Variants in PCDHA1 observed in about 807,000 individuals in gnomAD.
PCDHA1 encodes protocadherin alpha-1.
Under a neutral mutation model 61.3 loss-of-function variants are expected in PCDHA1, and 42 were observed. The observed-to-expected ratio is 0.69, with a 90% confidence interval of 0.54 to 0.89. The LOEUF is 0.89. Among genes scored for constraint, PCDHA1 ranks in the 40% least tolerant of loss-of-function variants. The pLI is 0.00. For synonymous variants in PCDHA1, 610 were observed against 553.8 expected (o/e 1.10, Z -1.43); for missense variants, 1,256 against 1,235.3 (o/e 1.02, Z -0.25).
At chr5:140,830,384 C>A (rs1169733601) in intron 1 of PCDHA1, 1 of 1,614,156 alleles carries the variant, frequency 6.2e-7, no homozygotes, top group Non-Finnish European at 8.5e-7. Context: ...GGAGGGCCCA[C>A]CCAAGATGGA....
chr5:140,874,053 CAATTT>C (rs1290519215), intron 1 of PCDHA1, among the ~76,000 whole-genome samples: 1 of 152,190 alleles, frequency 6.6e-6, no homozygotes, highest in Non-Finnish European at 1.5e-5. Flanking sequence ...TGATATTAGA[CAATTT>C]AAATAATTAG....
At chr5:140,877,198 G>C (rs781787046) in intron 1 of PCDHA1, 26 of 1,613,712 alleles carry the variant, frequency 1.6e-5, no homozygotes, top group Non-Finnish European at 2.2e-5. Flanking sequence ...CGCAGGAGGC[G>C]CAGTTAGCGA....
intron 1 of PCDHA1, chr5:140,797,181 G>A (rs782658810): frequency 1.9e-6 from 3 of 1,614,174 alleles, no homozygotes; most frequent in Middle Eastern, 1.6e-4. Context: ...AGCCCACGCT[G>A]GTGTGCTCCA....
chr5:140,965,316 T>C (rs1411473254), intron 1 of PCDHA1, among the ~76,000 whole-genome samples: 2 of 152,200 alleles, frequency 1.3e-5, no homozygotes, highest in Admixed American at 6.5e-5. Context: ...CCTTCTCTTT[T>C]ACTGAAGTGA....
At chr5:140,873,009 T>C (rs1397141967) in intron 1 of PCDHA1, among the ~76,000 whole-genome samples, 1 of 152,224 alleles carries the variant, frequency 6.6e-6, no homozygotes, top group African/African-American at 2.4e-5. Context: ...TCATTCTTCA[T>C]ATTTAGTTAT....
At chr5:140,810,733 A>T (rs1251780244) in intron 1 of PCDHA1, 5 of 151,620 alleles carry the variant, frequency 3.3e-5, no homozygotes, top group African/African-American at 1.2e-4. Flanking sequence ...TTTTCTTATT[A>T]CTTAAACAAA....
At position 140,850,786 on chromosome 5, in the gene PCDHA1, A is replaced by C. The variant is rs2150498536; in HGVS notation, c.2394+62102A>C. 0.62 allele frequency: 994,890 copies of C among 1,596,700 alleles called. 342,727 individuals are homozygous for C. The highest frequency in any genetic ancestry group is 0.72 in the African/African-American group (53,217 of 73,966). The stretch of plus-strand genomic sequence containing the variant: ...CAGAGGGTGTGCTCTGGCGAGGGTA[A>C]GCAGAAGACCGACCTCATGGCCTTC... On this transcript the variant is annotated intron_variant, in intron 1 of 3. Transcript: ENST00000504120.
intron 1 of PCDHA1, chr5:140,828,223 C>A (rs1417761655): frequency 1.2e-6 from 2 of 1,613,878 alleles, no homozygotes; most frequent in African/African-American, 2.7e-5. Context: ...ACGGCACCTT[C>A]GTGGGCCGGA....
intron 1 of PCDHA1, chr5:140,884,006 C>T (rs369069323): frequency 1.2e-6 from 2 of 1,612,906 alleles, no homozygotes; most frequent in African/African-American, 2.7e-5. Context: ...AGTGAGCGAG[C>T]TGATGCCGCG....
At chr5:140,869,126 G>A in intron 1 of PCDHA1, 4 of 1,611,734 alleles carry the variant, frequency 2.5e-6, no homozygotes, top group Non-Finnish European at 3.4e-6. Context: ...CAGAGAAGGG[G>A]ATTGGGCACC....
chr5:140,855,887 C>A, intron 1 of PCDHA1: 1 of 985,610 alleles, frequency 1.0e-6, no homozygotes, highest in Non-Finnish European at 1.5e-6. Flanking sequence ...CTTTTTAGAA[C>A]AAAGGCATCA....
chr5:140,984,458 C>T (rs1363789281), intron 3 of PCDHA1, among the ~76,000 whole-genome samples: 2 of 152,140 alleles, frequency 1.3e-5, no homozygotes, highest in African/African-American at 4.8e-5. Flanking sequence ...CTTACTGTCC[C>T]AGCCCCTCTT....
chr5:140,880,365 C>A (rs1462418898), intron 1 of PCDHA1, among the ~76,000 whole-genome samples: 1 of 151,976 alleles, frequency 6.6e-6, no homozygotes, highest in Non-Finnish European at 1.5e-5. Flanking sequence ...TAGATGAAAA[C>A]CATGAGAGAA....
chr5:140,967,901 A>T, intron 1 of PCDHA1: 2 of 1,614,142 alleles, frequency 1.2e-6, no homozygotes, highest in African/African-American at 1.3e-5. Context: ...TGAGAATGCT[A>T]CACCCAACAC....
rs1162004111 is a variant in PCDHA1, at chr5:140,853,967, G to A, written c.2394+65283G>A. ...GAGGGTCCCTTCCTTGAGCCCAGCAGTTTGAGACCAATGTAGTGAGACTCA... is the reference window on the plus strand; with the variant it reads ...GAGGGTCCCTTCCTTGAGCCCAGCAATTTGAGACCAATGTAGTGAGACTCA... On this transcript the variant is annotated intron_variant, in intron 1 of 3. Coordinates refer to ENST00000504120, the MANE Select transcript of PCDHA1 (RefSeq NM_018900.4). The A allele has an allele frequency of 7.7e-6, 5 of 646,708 alleles. No homozygotes were observed. The East Asian group carries it at 4.0e-4, about 51-fold the overall frequency. The allele number at this position is 646,708 out of a possible 1,614,324, so 40.1% of individuals were successfully genotyped here.
In PCDHA1 at chr5:140,857,500, G is replaced by A; in HGVS notation, c.2394+68816G>A. On this transcript the variant is annotated intron_variant, in intron 1 of 3. Transcript: ENST00000504120. The stretch of plus-strand genomic sequence containing the variant: ...TGTCTGCGTGGGACGCGGACGCGCA[G>A]GAGAACGCCCTGGTGTCCTACTCTC... 1.3e-6 allele frequency: 2 copies of A among 1,598,362 alleles called. 1 individual carries two copies. Among genetic ancestry groups the A allele is most frequent in the Non-Finnish European group, 1.7e-6 (2 of 1,167,860 alleles).
intron 1 of PCDHA1, among the ~76,000 whole-genome samples, chr5:140,891,998 A>C (rs1336951985): frequency 2.6e-5 from 4 of 152,200 alleles, no homozygotes; most frequent in Non-Finnish European, 5.9e-5. Flanking sequence ...AGTCTGTGGC[A>C]TTCTGTTATA....
In PCDHA1 at chr5:140,847,506, T is replaced by C. The variant is rs1397904253; in HGVS notation, c.2394+58822T>C. ...GATAGTAAAACTCACAACAAAACTT[T>C]GTAGAACTTAGTCAGGAAAAGAATC... On this transcript the variant is annotated intron_variant, in intron 1 of 3. Transcript: ENST00000504120. 2.0e-5 allele frequency: 3 copies of C among 149,790 alleles called. No individual in the cohort carries two copies. The Admixed American group carries it at 2.0e-4, about 10-fold the overall frequency. The allele number at this position is 149,790 out of a possible 1,614,324, so 9.3% of individuals were successfully genotyped here. A position where few individuals can be genotyped will look rare whatever the true frequency, so the allele number is the denominator to read the frequency against.
Position 140,843,034 on chromosome 5 carries a change from T to C in PCDHA1, c.2394+54350T>C, listed in dbSNP as rs2150350687. 5.0e-6 allele frequency: 8 copies of C among 1,594,860 alleles called. 1 individual carries two copies. The African/African-American group carries it at 1.1e-4, about 21-fold the overall frequency. The stretch of plus-strand genomic sequence containing the variant: ...CGGCACTGCTGGAGCCTCGGGTGGG[T>C]GGCACTGGTGGCGCAGCGAGCAAGC... On this transcript the variant is annotated intron_variant, in intron 1 of 3. Transcript: ENST00000504120.
Sources: allele counts gnomAD v4.1 joint callset (sites outside exome capture counted in the v4.1 genomes callset), GRCh38; gene constraint gnomAD v4.1.1; transcripts MANE v1.5; gene names NCBI Gene and HGNC (gene_info 2026-07-23, HGNC 2026-07-21).